The following ANO4 variants were observed in gnomAD, a reference collection of about 807,000 sequenced individuals.
ANO4 encodes anoctamin 4, also known as anoctamin-4.
In ANO4, 69 loss-of-function variants were observed where a neutral mutation model predicts 141.9. That is an observed-to-expected ratio of 0.49 (90% CI 0.40 to 0.59). ANO4 has a LOEUF of 0.59. ANO4 is among the 20% of genes least tolerant of loss of function. The pLI is 0.00. For missense variants in ANO4, 894 were observed against 1,162.2 expected, an observed-to-expected ratio of 0.77 and a Z score of 3.36; for synonymous variants, 350 against 394.3, an observed-to-expected ratio of 0.89 and a Z score of 1.33.
chr12:100,729,671 T>C (rs11110500), intron 1 of ANO4, among the ~76,000 whole-genome samples: 3,875 of 152,312 alleles, frequency 0.025, 156 homozygotes, highest in African/African-American at 0.088. Flanking sequence ...CATTTAACTC[T>C]AGGTGGTTCT....
chr12:100,987,750 C>T, intron 8 of ANO4, 80 bp downstream of exon 8: 1 of 1,558,682 alleles, frequency 6.4e-7, no homozygotes, highest in South Asian at 1.2e-5. Context: ...CCTTTGATTC[C>T]TGGGCATGAG....
Position 100,831,697 on chromosome 12 carries a change from TAGGTTGTGATAAGGTGGA to T in ANO4, c.-141+36674_-141+36691del, listed in dbSNP as rs552098753. Among the ~76,000 whole-genome samples the T allele has an allele frequency of 1.0e-3, 154 of 152,224 alleles. 1 individual carries two copies. Among genetic ancestry groups the T allele is most frequent in the Middle Eastern group, 3.4e-3 (1 of 294 alleles). On this transcript the variant is annotated intron_variant, in intron 1 of 27. Transcript: ENST00000392977. ...AATAAACTTGTGGTTCTAGCTTCAT[TAGGTTGTGATAAGGTGGA>T]AGGGCCAGTGTCCTGAGTGTCAGAA...
chr12:100,733,262 G>A (rs572900277), intron 1 of ANO4, among the ~76,000 whole-genome samples: 2 of 152,242 alleles, frequency 1.3e-5, no homozygotes, highest in East Asian at 1.9e-4. Flanking sequence ...GCTAACCCAC[G>A]AAGCTGCCTG....
At chr12:100,945,960 A>G (rs1566042094) in intron 5 of ANO4, among the ~76,000 whole-genome samples, 1 of 152,254 alleles carries the variant, frequency 6.6e-6, no homozygotes, top group Non-Finnish European at 1.5e-5. Context: ...AAAAATATGT[A>G]CAACATATAC....
At chr12:101,045,080 A>G (rs1045170164) in intron 13 of ANO4, among the ~76,000 whole-genome samples, 12 of 152,152 alleles carry the variant, frequency 7.9e-5, no homozygotes, top group African/African-American at 2.9e-4. Context: ...AAGAATCGTC[A>G]TGAATAGTTT....
At chr12:100,768,180 A>T (rs1241354820) in intron 3 of ANO4, among the ~76,000 whole-genome samples, 1 of 152,076 alleles carries the variant, frequency 6.6e-6, no homozygotes, top group Admixed American at 6.5e-5. Flanking sequence ...CTGGGGCCAT[A>T]GGGGCTGGCC....
rs551372165 is a variant in ANO4, at chr12:101,002,964, A to G, written c.734+15294A>G. On this transcript the variant is annotated intron_variant, in intron 8 of 27. Transcript: ENST00000392977. ...AAGCATTCCTCCTCTGCCCTAGCCTATACGGTTTTTCTTTCCTCTTCCTAT... is the reference window on the plus strand; with the variant it reads ...AAGCATTCCTCCTCTGCCCTAGCCTGTACGGTTTTTCTTTCCTCTTCCTAT... 2.0e-5 allele frequency among the ~76,000 whole-genome samples: 3 copies of G among 152,228 alleles called. No individual in the cohort carries two copies. The East Asian group carries it at 5.8e-4, about 29-fold the overall frequency.
chr12:100,744,346 G>A (rs2032008055), intron 3 of ANO4, among the ~76,000 whole-genome samples: 2 of 152,126 alleles, frequency 1.3e-5, no homozygotes, highest in Admixed American at 1.3e-4. Context: ...AAAAAAAGAG[G>A]CTAGGAAGTC....
chr12:100,822,866 A>T (rs2135742815), intron 1 of ANO4, among the ~76,000 whole-genome samples: 1 of 151,994 alleles, frequency 6.6e-6, no homozygotes, highest in Non-Finnish European at 1.5e-5. Context: ...CTCTTCCTTG[A>T]CGTTGCAAAA....
At chr12:100,966,830 CAT>C (rs1307171270) in intron 5 of ANO4, among the ~76,000 whole-genome samples, 3 of 124,318 alleles carry the variant, frequency 2.4e-5, no homozygotes, top group African/African-American at 6.9e-5. Flanking sequence ...TATATATACA[CAT>C]ATATATACAC....
chr12:100,865,009 A>G (rs1275653163), intron 1 of ANO4, among the ~76,000 whole-genome samples: 2 of 151,972 alleles, frequency 1.3e-5, no homozygotes, highest in African/African-American at 2.4e-5. Flanking sequence ...TATGTGCCAC[A>G]TTTTCTTTAT....
chr12:101,123,365 TACAC>T (rs2051172643), intron 26 of ANO4, among the ~76,000 whole-genome samples: 1 of 152,194 alleles, frequency 6.6e-6, no homozygotes, highest in Non-Finnish European at 1.5e-5. Context: ...ACAGGTTTGT[TACAC>T]AGGTAAATGT....
intron 1 of ANO4, among the ~76,000 whole-genome samples, chr12:100,724,360 A>T (rs570737396): frequency 6.6e-6 from 1 of 152,300 alleles, no homozygotes; most frequent in East Asian, 1.9e-4. Context: ...TTAGGCTGAG[A>T]CAGGGTTTGA....
intron 22 of ANO4, among the ~76,000 whole-genome samples, chr12:101,107,101 A>T (rs1190196905): frequency 6.6e-6 from 1 of 152,222 alleles, no homozygotes; most frequent in Non-Finnish European, 1.5e-5. Flanking sequence ...TTCATTATAA[A>T]TATAACCTGA....
chr12:100,853,811 A>G (rs530602710), intron 1 of ANO4, among the ~76,000 whole-genome samples: 65 of 152,288 alleles, frequency 4.3e-4, no homozygotes, highest in Admixed American at 7.2e-4. Context: ...AAGGATCTAA[A>G]TACCATTTAA....
chr12:101,118,055 T>C (rs17031019), intron 25 of ANO4, among the ~76,000 whole-genome samples: 21,447 of 151,690 alleles, frequency 0.14, 1,550 homozygotes, highest in East Asian at 0.19. Flanking sequence ...CCGCTCTCTG[T>C]TGGGGTCTAG....
chr12:101,033,331 G>C (rs549383996), intron 9 of ANO4, among the ~76,000 whole-genome samples: 21 of 152,138 alleles, frequency 1.4e-4, no homozygotes, highest in East Asian at 7.7e-4. Flanking sequence ...GTGGGGGAAG[G>C]GGGGAGGGAT....
rs766405002 is a variant in ANO4, at chr12:101,097,957, A to G, written c.2006+12A>G. 1.2e-6 allele frequency: 2 copies of G among 1,606,334 alleles called. No individual in the cohort carries two copies. Among genetic ancestry groups the G allele is most frequent in the South Asian group, 2.2e-5 (2 of 90,720 alleles). ...GAACTTGGCTACCCGTAAGTACCTT[A>G]GTATCAATAATTGAGAGGCAGCATT... is the stretch of plus-strand genomic sequence containing the variant. On this transcript the variant is annotated intron_variant, in intron 21 of 27. Coordinates refer to ENST00000392977, the MANE Select transcript of ANO4 (RefSeq NM_001286615.2).
chr12:100,823,579 A>G (rs1260808850), intron 1 of ANO4, among the ~76,000 whole-genome samples: 3 of 152,068 alleles, frequency 2.0e-5, no homozygotes, highest in Admixed American at 6.6e-5. Flanking sequence ...CAGTCTTTCC[A>G]TAGACTAAAA....
Sources: gnomAD v4.1 joint callset for allele counts (sites outside exome capture counted in the v4.1 genomes callset) on GRCh38, gnomAD v4.1.1 for gene constraint, MANE v1.5 for transcripts, NCBI Gene and HGNC (gene_info 2026-07-23, HGNC 2026-07-21) for gene names.